The following LMLN variants were observed in gnomAD, a reference collection of about 807,000 sequenced individuals.
LMLN encodes the protein leishmanolysin like peptidase, also known as leishmanolysin-like peptidase.
A neutral mutation model predicts 92.3 loss-of-function variants in LMLN; 70 were observed. That is an observed-to-expected ratio of 0.76 (90% CI 0.63 to 0.92). The LOEUF (loss-of-function observed/expected upper bound fraction) is 0.92. Among genes scored for constraint, LMLN ranks in the 40% least tolerant of loss-of-function variants. LMLN has a pLI of 0.00. For synonymous variants in LMLN, 308 were observed against 296.2 expected, an observed-to-expected ratio of 1.04 and a Z score of -0.41; for missense variants, 691 against 814.6, an observed-to-expected ratio of 0.85 and a Z score of 1.85.
At chr3:197,974,640 G>C (rs1396981912) in intron 2 of LMLN, among the ~76,000 whole-genome samples, 166 bp downstream of exon 2, 7 of 152,210 alleles carry the variant, frequency 4.6e-5, no homozygotes, top group Non-Finnish European at 1.5e-5. Context: ...AAATATGAAA[G>C]CCATGGGATA....
intron 15 of LMLN, 45 bp downstream of exon 16, chr3:198,036,088 G>C: frequency 6.6e-7 from 1 of 1,512,312 alleles, no homozygotes; most frequent in Non-Finnish European, 9.2e-7. Context: ...AAGTGAAGGA[G>C]GTGAACTTCT....
At position 198,019,249 on chromosome 3, in the gene LMLN, G is replaced by T. The variant is rs1722718652; in HGVS notation, c.1233-4G>T. The stretch of plus-strand genomic sequence containing the variant: ...GATACCATGGTACTTCTCTTTGTTT[G>T]CAGGAGACAGATGCTGAGCCCTTAC... On this transcript the variant is annotated splice_polypyrimidine_tract_variant and splice_region_variant and intron_variant, in intron 11 of 15. Transcript: ENST00000330198. The surrounding 1 kb of genome is among the most constrained non-coding windows in gnomAD (Gnocchi z 5.5). The T allele has an allele frequency of 6.2e-7, 1 of 1,609,214 alleles. No individual in the cohort carries two copies. Among genetic ancestry groups the T allele is most frequent in the Non-Finnish European group, 8.5e-7 (1 of 1,178,720 alleles).
At chr3:198,014,777 A>C (rs1487238687) in intron 11 of LMLN, among the ~76,000 whole-genome samples, 1 of 128,870 alleles carries the variant, frequency 7.8e-6, no homozygotes, top group African/African-American at 3.2e-5. Context: ...GAGCCCCCTA[A>C]CTAGTCTGAC....
rs191159841 is a variant in LMLN at position 197,968,640 on chromosome 3, G to C, written c.220-5737G>C. On this transcript the variant is annotated intron_variant, in intron 1 of 15. Transcript: ENST00000330198. ...TCTTCACAATTTATGTTCCTCTGCC[G>C]CGCCTCCAGCCGGTCCCTCCGTTCA... 2.0e-5 allele frequency among the ~76,000 whole-genome samples: 3 copies of C among 152,122 alleles called. No individual in the cohort carries two copies. In the East Asian group the frequency reaches 5.8e-4, roughly 29 times the overall value.
chr3:198,013,173 T>C (rs368286539), intron 11 of LMLN, among the ~76,000 whole-genome samples: 2,026 of 19,536 alleles, frequency 0.1, no homozygotes, highest in Middle Eastern at 0.18. Context: ...CTCCACCCTT[T>C]AGAGCCCCCT....
At chr3:197,991,494 C>T (rs1186116526) in intron 9 of LMLN, among the ~76,000 whole-genome samples, 1 of 152,094 alleles carries the variant, frequency 6.6e-6, no homozygotes, top group Non-Finnish European at 1.5e-5. Context: ...GCTGGAGACT[C>T]AGGGGATTGT....
intron 11 of LMLN, among the ~76,000 whole-genome samples, chr3:198,008,459 C>G (rs1187189598): frequency 6.6e-6 from 1 of 152,226 alleles, no homozygotes; most frequent in Non-Finnish European, 1.5e-5. Flanking sequence ...GACATGGTGG[C>G]TTACACTTGT....
rs556275820 is a variant in LMLN, at chr3:197,995,923, A to G, written c.1048-252A>G. On this transcript the variant is annotated intron_variant, in intron 9 of 15. Coordinates refer to ENST00000330198, the Ensembl canonical transcript of LMLN. ...ATCATCCTAGTCTATAACATTTTTTAGCTATATGTTGCAAAAGTGAAAATC... is the reference window on the plus strand; with the variant it reads ...ATCATCCTAGTCTATAACATTTTTTGGCTATATGTTGCAAAAGTGAAAATC... Among the ~76,000 whole-genome samples, 12 of 152,324 alleles carry G rather than the reference A, an allele frequency of 7.9e-5. No individual in the cohort carries two copies. The South Asian group carries it at 2.5e-3, about 32-fold the overall frequency.
rs1321619449 is a variant in LMLN at position 198,025,222 on chromosome 3, G to T, written c.1656+434G>T. 2.6e-5 allele frequency among the ~76,000 whole-genome samples: 4 copies of T among 152,122 alleles called. No individual in the cohort carries two copies. Among genetic ancestry groups the T allele is most frequent in the Admixed American group, 2.6e-4 (4 of 15,280 alleles). ...AGGCTGAGCCAGGAGGATTGCTTGAGCCCAGGATTCGAGACCATCCTAGGC... is the reference window on the plus strand; with the variant it reads ...AGGCTGAGCCAGGAGGATTGCTTGATCCCAGGATTCGAGACCATCCTAGGC... On this transcript the variant is annotated intron_variant, in intron 14 of 15. Transcript: ENST00000330198. This position sits in a 1 kb window ranked among gnomAD's most constrained non-coding sequence, Gnocchi z 4.3.
At chr3:197,968,310 A>C (rs1237652707) in intron 1 of LMLN, among the ~76,000 whole-genome samples, 1 of 149,152 alleles carries the variant, frequency 6.7e-6, no homozygotes, top group African/African-American at 2.5e-5. Flanking sequence ...ACTAAAAATA[A>C]AAAAAAAAAA....
At chr3:198,020,768 A>ATTGTTTTTTTTTTTTTTTTTTTTT (rs1722756549) in intron 12 of LMLN, among the ~76,000 whole-genome samples, 1 of 32,860 alleles carries the variant, frequency 3.0e-5, no homozygotes, top group African/African-American at 1.2e-4. Context: ...TAATTTTTGT[A>ATTGTTTTTTTTTTTTTTTTTTTTT]TTTTTTTTTT....
intron 7 of LMLN, among the ~76,000 whole-genome samples, chr3:197,984,924 C>G (rs866308280): frequency 2.6e-5 from 4 of 152,114 alleles, no homozygotes; most frequent in East Asian, 2.0e-4. Flanking sequence ...TGATCCCCCC[C>G]GCCTCAGCCT....
chr3:197,994,986 A>G (rs1721978571), intron 9 of LMLN, among the ~76,000 whole-genome samples: 1 of 152,222 alleles, frequency 6.6e-6, no homozygotes, highest in African/African-American at 2.4e-5. Flanking sequence ...GGGTAAAGAA[A>G]GTGTGTTATA....
chr3:198,029,880 C>T (rs897033099), intron 14 of LMLN, among the ~76,000 whole-genome samples: 35 of 151,930 alleles, frequency 2.3e-4, no homozygotes, highest in African/African-American at 8.2e-4. Flanking sequence ...TGTTCTGTCT[C>T]CCAGGCTGGA....
exon 10 of LMLN, chr3:197,996,244 G>A: frequency 3.7e-6 from 6 of 1,604,808 alleles, no homozygotes; most frequent in Non-Finnish European, 5.1e-6. Flanking sequence ...AGGTGGTGTG[G>A]GCACTGAGCT....
At chr3:197,970,842 G>A (rs530751440) in intron 1 of LMLN, among the ~76,000 whole-genome samples, 44 of 152,298 alleles carry the variant, frequency 2.9e-4, no homozygotes, top group African/African-American at 1.0e-3. Context: ...ATCTATTCAC[G>A]TATTTACCAT....
chr3:197,968,671 C>G (rs923975061), intron 1 of LMLN, among the ~76,000 whole-genome samples: 8 of 152,156 alleles, frequency 5.3e-5, no homozygotes, highest in African/African-American at 1.9e-4. Context: ...GTTCAGGGTC[C>G]CTGACTTCCT....
At position 198,025,933 on chromosome 3, in the gene LMLN, G is replaced by GT. The variant is rs927663334; in HGVS notation, c.1656+1153dup. On this transcript the variant is annotated intron_variant, in intron 14 of 15. Transcript: ENST00000330198. This position sits in a 1 kb window ranked among gnomAD's most constrained non-coding sequence, Gnocchi z 4.3. ...ATCATTAGTTACTTATCAAATTAAC[G>GT]TTTTTTTTGGTAACTGCTTTTCTTC... Among the ~76,000 whole-genome samples the GT allele has an allele frequency of 8.0e-5, 12 of 149,720 alleles. No individual in the cohort carries two copies. The highest frequency in any genetic ancestry group is 7.7e-4 in the East Asian group (4 of 5,168).
chr3:197,962,187 T>C (rs1266841363), intron 1 of LMLN, among the ~76,000 whole-genome samples: 2 of 152,124 alleles, frequency 1.3e-5, no homozygotes, highest in Non-Finnish European at 2.9e-5. Context: ...TTTTAAATAC[T>C]AGATTAGTTT....
Sources: gnomAD v4.1 joint callset for allele counts (sites outside exome capture counted in the v4.1 genomes callset) on GRCh38, gnomAD v4.1.1 for gene constraint, Gnocchi (gnomAD v3.1) non-coding constraint, MANE v1.5 for transcripts, NCBI Gene and HGNC (gene_info 2026-07-23, HGNC 2026-07-21) for gene names.